FGGY: variants seen among roughly 807,000 people sequenced by gnomAD.
FGGY encodes the protein FGGY carbohydrate kinase domain containing.
In FGGY, 72 loss-of-function variants were observed where a neutral mutation model predicts 71.3. The observed-to-expected ratio is 1.01, with a 90% CI of 0.84 to 1.23. The LOEUF (loss-of-function observed/expected upper bound fraction) is 1.23. FGGY is among the 50% of genes most tolerant of loss of function. FGGY has a pLI of 0.00. For synonymous variants in FGGY, 251 were observed against 250.3 expected, an observed-to-expected ratio of 1.00 and a Z score of -0.02; for missense variants, 668 against 682.3, an observed-to-expected ratio of 0.98 and a Z score of 0.23.
intron 14 of FGGY, among the ~76,000 whole-genome samples, chr1:59,714,062 G>A (rs781288881): frequency 3.9e-5 from 6 of 152,162 alleles, no homozygotes; most frequent in Admixed American, 6.5e-5. Context: ...TGAAGTGGAA[G>A]GGTGATAATA....
intron 4 of FGGY, among the ~76,000 whole-genome samples, chr1:59,360,419 T>G (rs886763164): frequency 9.2e-5 from 14 of 152,102 alleles, no homozygotes; most frequent in Non-Finnish European, 2.9e-5. Flanking sequence ...GTACAAGTAT[T>G]TATCGAGCAC....
At chr1:59,655,527 G>A (rs1463640631) in intron 11 of FGGY, among the ~76,000 whole-genome samples, 1 of 151,916 alleles carries the variant, frequency 6.6e-6, no homozygotes, top group East Asian at 1.9e-4. Context: ...AACATGTGGT[G>A]TTTGGTTTTC....
At chr1:59,745,442 C>A in intron 14 of FGGY, among the ~76,000 whole-genome samples, 1 of 152,238 alleles carries the variant, frequency 6.6e-6, no homozygotes, top group East Asian at 1.9e-4. Context: ...TATTATCACA[C>A]ATTTTGATTC....
chr1:59,730,486 C>T (rs1231783580), intron 14 of FGGY, among the ~76,000 whole-genome samples: 1 of 152,106 alleles, frequency 6.6e-6, no homozygotes, highest in Admixed American at 6.5e-5. Flanking sequence ...GCTTCAGTAG[C>T]CAGAATAGCA....
At chr1:59,669,296 A>G (rs1432059565) in intron 13 of FGGY, among the ~76,000 whole-genome samples, 3 of 152,092 alleles carry the variant, frequency 2.0e-5, no homozygotes, top group Non-Finnish European at 2.9e-5. Context: ...CTGCTGACCC[A>G]GGTTTCTTGA....
chr1:59,651,153 G>A (rs896497948), intron 11 of FGGY, among the ~76,000 whole-genome samples: 5 of 151,762 alleles, frequency 3.3e-5, no homozygotes, highest in Admixed American at 2.0e-4. Context: ...CATTTGCTGA[G>A]GAGAGCTTTA....
At chr1:59,490,699 G>A (rs1270635071) in intron 6 of FGGY, among the ~76,000 whole-genome samples, 25 of 152,028 alleles carry the variant, frequency 1.6e-4, no homozygotes, top group Non-Finnish European at 1.5e-5. Context: ...TTTTTGCATA[G>A]AGTAAGAGTT....
intron 8 of FGGY, among the ~76,000 whole-genome samples, chr1:59,600,542 A>G (rs983412308): frequency 7.9e-5 from 12 of 152,184 alleles, no homozygotes. Flanking sequence ...TACCAAAGAG[A>G]CGAAGCTAAT....
intron 6 of FGGY, among the ~76,000 whole-genome samples, chr1:59,495,234 C>G (rs1440517978): frequency 6.6e-6 from 1 of 151,788 alleles, no homozygotes; most frequent in African/African-American, 2.4e-5. Context: ...GGTATTAATC[C>G]TTTGTTGGAT....
intron 1 of FGGY, chr1:59,315,474 C>T (rs1354822592): frequency 1.3e-5 from 2 of 151,316 alleles, no homozygotes; most frequent in East Asian, 1.9e-4. Context: ...TCCTTTCCCC[C>T]TCTTTTCCTT....
At chr1:59,643,474 C>T (rs999113425) in intron 11 of FGGY, among the ~76,000 whole-genome samples, 8 of 152,140 alleles carry the variant, frequency 5.3e-5, no homozygotes, top group African/African-American at 1.9e-4. Flanking sequence ...AGATTATAGG[C>T]ATGAAACACT....
At chr1:59,427,309 T>C (rs2066558503) in intron 5 of FGGY, among the ~76,000 whole-genome samples, 1 of 152,102 alleles carries the variant, frequency 6.6e-6, no homozygotes, top group African/African-American at 2.4e-5. Context: ...TTGGGACCAG[T>C]GCATGCTGGG....
intron 5 of FGGY, among the ~76,000 whole-genome samples, chr1:59,427,936 GGATTAAGGACAGCAGATA>G (rs1413887409): frequency 6.6e-6 from 1 of 152,152 alleles, no homozygotes; most frequent in African/African-American, 2.4e-5. Flanking sequence ...TGGTGGGACT[GGATTAAGGACAGCAGATA>G]GATTAGCTGT....
intron 14 of FGGY, among the ~76,000 whole-genome samples, chr1:59,685,149 A>T (rs1391698359): frequency 1.3e-5 from 2 of 152,132 alleles, no homozygotes; most frequent in African/African-American, 4.8e-5. Context: ...ACCTATAGCT[A>T]GGTTTGCATG....
chr1:59,537,577 C>T (rs1166429191), intron 7 of FGGY, among the ~76,000 whole-genome samples: 15 of 152,302 alleles, frequency 9.8e-5, no homozygotes, highest in East Asian at 5.8e-4. Flanking sequence ...GGAGGCATCA[C>T]GCTACCTGAC....
intron 5 of FGGY, among the ~76,000 whole-genome samples, chr1:59,380,118 C>T (rs181898808): frequency 5.0e-4 from 76 of 151,372 alleles, no homozygotes; most frequent in Admixed American, 3.7e-3. Flanking sequence ...CTCCAAAGGA[C>T]ATGAACTCAT....
At chr1:59,647,411 A>T (rs1474940154) in intron 11 of FGGY, among the ~76,000 whole-genome samples, 1 of 152,212 alleles carries the variant, frequency 6.6e-6, no homozygotes, top group Non-Finnish European at 1.5e-5. Context: ...CATGAGGGGC[A>T]GTGTCCATCC....
intron 9 of FGGY, among the ~76,000 whole-genome samples, chr1:59,609,892 T>C (rs1464513950): frequency 6.6e-6 from 1 of 151,466 alleles, no homozygotes; most frequent in African/African-American, 2.5e-5. Context: ...AGTCCCTGGT[T>C]TTAAGGAGCT....
At chr1:59,374,706 A>C (rs2058336973) in intron 4 of FGGY, among the ~76,000 whole-genome samples, 1 of 152,120 alleles carries the variant, frequency 6.6e-6, no homozygotes, top group Admixed American at 6.5e-5. Context: ...CATATACACC[A>C]TGGAATACTA....
Sources: allele counts gnomAD v4.1 joint callset (sites outside exome capture counted in the v4.1 genomes callset), GRCh38; gene constraint gnomAD v4.1.1; transcripts MANE v1.5; gene names NCBI Gene and HGNC (gene_info 2026-07-23, HGNC 2026-07-21).